The following NUP88 variants were observed in gnomAD, a reference collection of about 807,000 sequenced individuals.
NUP88 encodes the protein nucleoporin 88.
In NUP88, 57 loss-of-function variants were observed where a neutral mutation model predicts 93.9. That is an observed-to-expected ratio of 0.61 (90% CI 0.49 to 0.76). The LOEUF is 0.76. Among genes scored for constraint, NUP88 ranks in the 30% least tolerant of loss-of-function variants. The pLI, the probability that NUP88 is intolerant of heterozygous loss-of-function variation, is 0.00. For synonymous variants in NUP88, 346 were observed against 336.8 expected, an observed-to-expected ratio of 1.03 and a Z score of -0.30; for missense variants, 911 against 901.0, an observed-to-expected ratio of 1.01 and a Z score of -0.14.
At chr17:5,398,353 G>A (rs543019810) in intron 8 of NUP88, among the ~76,000 whole-genome samples, 61 of 151,984 alleles carry the variant, frequency 4.0e-4, no homozygotes, top group African/African-American at 1.3e-3. Context: ...GCTGTGGCAC[G>A]ATATCGGCTC....
intron 1 of NUP88, among the ~76,000 whole-genome samples, chr17:5,417,358 T>G (rs1914212236): frequency 6.6e-6 from 1 of 152,292 alleles, no homozygotes; most frequent in South Asian, 2.1e-4. Flanking sequence ...TCCCAGCTAC[T>G]TCCAGGCGCT....
rs1912222125 is a variant in NUP88 at position 5,388,826 on chromosome 17, C to G, written c.1619G>C (p.Ser540Thr). The G allele has an allele frequency of 6.2e-7, 1 of 1,613,940 alleles. No homozygotes were observed. Among genetic ancestry groups the G allele is most frequent in the Non-Finnish European group, 8.5e-7 (1 of 1,179,942 alleles). ...CTTCAAAAATGCTGGATTGGCAACA[C>G]TACGTTGCAAAATGCTTCTAATATG... ...EKHIRSILQR[S>T]VANPAFLKAS... Residue 540 changes from serine to threonine, a missense_variant, in exon 11 of 17, where the codon AGT (serine) becomes ACT (threonine). Physicochemically the swap from Ser to Thr is moderately conservative, Grantham distance 58. Coordinates refer to ENST00000573584, the MANE Select transcript of NUP88 (RefSeq NM_002532.6).
At chr17:5,414,831 C>T (rs1352744286) in intron 2 of NUP88, among the ~76,000 whole-genome samples, 6 of 151,484 alleles carry the variant, frequency 4.0e-5, no homozygotes, top group Non-Finnish European at 7.4e-5. Flanking sequence ...GCAGAAGAAT[C>T]GCTGGAACCC....
chr17:5,387,792 C>G lies in NUP88; in HGVS notation c.1756G>C (p.Glu586Gln). 6.2e-7 allele frequency: 1 copy of G among 1,612,488 alleles called. No individual in the cohort carries two copies. The highest frequency in any genetic ancestry group is 8.5e-7 in the Non-Finnish European group (1 of 1,179,508). Residue 586 changes from glutamate (E) to glutamine (Q), a missense_variant, in exon 12 of 17, where the codon GAG (glutamate) becomes CAG (glutamine). Transcript: ENST00000573584. The stretch of plus-strand genomic sequence containing the variant: ...AGGACATCATACCTCCGCTGAATCT[C>G]CTCCTTTGCCAAGTCCTGTTTGAGA... ...YILKQDLAKE[E>Q]IQRRVKLLCD...
intron 10 of NUP88, among the ~76,000 whole-genome samples, chr17:5,390,841 T>A (rs1373025626): frequency 6.6e-6 from 1 of 152,102 alleles, no homozygotes; most frequent in African/African-American, 2.4e-5. Context: ...ACTACAGATG[T>A]GTACCACCAT....
chr17:5,404,749 G>A (rs570299332), intron 6 of NUP88, among the ~76,000 whole-genome samples: 3 of 152,248 alleles, frequency 2.0e-5, no homozygotes, highest in East Asian at 3.9e-4. Flanking sequence ...TCTTCCTTTA[G>A]GAAGATGTTT....
At position 5,387,628 on chromosome 17, in the gene NUP88, ATCT is replaced by A; in HGVS notation, c.1809_1811del (p.Glu603del). 2 of 1,613,406 alleles carry A rather than the reference ATCT, an allele frequency of 1.2e-6. No homozygotes were observed. Among genetic ancestry groups the A allele is most frequent in the Non-Finnish European group, 1.7e-6 (2 of 1,179,610 alleles). ...ACCTCTCTTCTCGACAATAACTGAG[ATCT>A]TCTAGTTGTTTCTTTTTTTGGTCAC... On this transcript the variant is annotated inframe_deletion, in exon 13 of 17. Coordinates refer to ENST00000573584, the MANE Select transcript of NUP88 (RefSeq NM_002532.6).
intron 3 of NUP88, 151 bp from the exon 4 acceptor site, chr17:5,410,940 C>A: frequency 1.6e-6 from 1 of 618,562 alleles, no homozygotes; most frequent in Non-Finnish European, 2.9e-6. Context: ...GCAAAGTAGT[C>A]TAGTTCATTT....
intron 8 of NUP88, among the ~76,000 whole-genome samples, chr17:5,395,324 AT>A (rs55736403): frequency 0.52 from 78,302 of 150,700 alleles, 21,625 homozygotes; most frequent in East Asian, 0.97. Context: ...TGGATTTCAC[AT>A]TTTTTTTTTG....
At chr17:5,419,105 T>C (rs906514085) in intron 1 of NUP88, among the ~76,000 whole-genome samples, 1 of 152,226 alleles carries the variant, frequency 6.6e-6, no homozygotes, top group Non-Finnish European at 1.5e-5. Flanking sequence ...TAGCCCGCTT[T>C]GTTTTTCTCC....
rs749893530 is a variant in NUP88, at chr17:5,419,473, C to T, written c.178G>A (p.Val60Met). 1 of 1,614,056 alleles carries T rather than the reference C, an allele frequency of 6.2e-7. No homozygotes were observed. The highest frequency in any genetic ancestry group is 1.3e-5 in the African/African-American group (1 of 75,058). ...SPPPQLLTRN[V>M]VFGLGGELFL... is the part of the protein sequence containing the mutation. ...AGCTCTCCGCCGAGGCCAAAGACCA[C>T]GTTTCTCGTCAGCAACTGCGGCGGC... is the stretch of plus-strand genomic sequence containing the variant. The change falls in exon 1 of 17, where the codon GTG (valine) becomes ATG (methionine). Residue 60 changes from valine (V) to methionine (M), a missense_variant. Val to Met is a conservative substitution (Grantham distance 21). Coordinates refer to ENST00000573584, the MANE Select transcript of NUP88 (RefSeq NM_002532.6).
intron 4 of NUP88, among the ~76,000 whole-genome samples, chr17:5,409,219 C>CA (rs1913678531): frequency 6.6e-6 from 1 of 151,756 alleles, no homozygotes; most frequent in Admixed American, 6.6e-5. Context: ...ACTAAAAATA[C>CA]AAAAATTAGT....
At chr17:5,410,675 C>A (rs778064417) in intron 4 of NUP88, 28 bp downstream of exon 4, 9 of 1,384,262 alleles carry the variant, frequency 6.5e-6, no homozygotes, top group Non-Finnish European at 9.1e-6. Context: ...AATTAAAAAA[C>A]CATTTCAAGA....
chr17:5,397,440 A>G (rs1038239441), intron 8 of NUP88, among the ~76,000 whole-genome samples: 16 of 152,138 alleles, frequency 1.1e-4, no homozygotes, highest in Admixed American at 1.0e-3. Flanking sequence ...ACAGAGTGAT[A>G]CAACATGAGG....
Position 5,403,204 on chromosome 17 carries a change from G to A in NUP88, c.1192+895C>T, listed in dbSNP as rs535719095. On this transcript the variant is annotated intron_variant, in intron 7 of 16. Transcript: ENST00000573584. ...ACTAAAAATACAAAAATTGCCAGGC[G>A]TAGTGGCTCACGCCTGGAATCCCAG... 4.1e-4 allele frequency among the ~76,000 whole-genome samples: 62 copies of A among 152,118 alleles called. 1 individual carries two copies. The highest frequency in any genetic ancestry group is 7.1e-4 in the Non-Finnish European group (48 of 68,002).
At chr17:5,412,126 G>T (rs1913875039) in intron 3 of NUP88, among the ~76,000 whole-genome samples, 1 of 152,146 alleles carries the variant, frequency 6.6e-6, no homozygotes, top group African/African-American at 2.4e-5. Flanking sequence ...AATATTTGGG[G>T]CCAGATACTT....
chr17:5,417,416 C>T (rs535970166), intron 1 of NUP88, among the ~76,000 whole-genome samples: 161 of 152,184 alleles, frequency 1.1e-3, no homozygotes, highest in Middle Eastern at 3.4e-3. Flanking sequence ...TCCAATGAGC[C>T]GTGATCACAC....
chr17:5,415,863 G>A (rs1175365280), intron 2 of NUP88, among the ~76,000 whole-genome samples: 3 of 151,902 alleles, frequency 2.0e-5, no homozygotes, highest in African/African-American at 4.8e-5. Context: ...TATAAAAATA[G>A]GCCAGGTGCG....
chr17:5,419,206 C>G, intron 1 of NUP88, 148 bp downstream of exon 1: 3 of 870,446 alleles, frequency 3.4e-6, no homozygotes, highest in Non-Finnish European at 4.9e-6. Flanking sequence ...TCGAGAGAGC[C>G]TGAGTCCCCG....
Sources: gnomAD v4.1 joint callset for allele counts (sites outside exome capture counted in the v4.1 genomes callset) on GRCh38, gnomAD v4.1.1 for gene constraint, MANE v1.5 for transcripts, NCBI Gene and HGNC (gene_info 2026-07-23, HGNC 2026-07-21) for gene names.